NCKAP5: variants seen among roughly 807,000 people sequenced by gnomAD.
NCKAP5 encodes nck-associated protein 5.
Under a neutral mutation model 167.0 loss-of-function variants are expected in NCKAP5, and 92 were observed. The ratio of observed to expected loss-of-function variants is 0.55; its 90% CI spans 0.47 to 0.66. The LOEUF (loss-of-function observed/expected upper bound fraction) is 0.66. Among genes scored for constraint, NCKAP5 ranks in the 30% least tolerant of loss-of-function variants. NCKAP5 has a pLI of 0.00. For synonymous variants in NCKAP5, 891 were observed against 877.4 expected (o/e 1.02, Z -0.27); for missense variants, 2,378 against 2,315.0 (o/e 1.03, Z -0.56).
chr2:133,653,319 G>A, the NCKAP5 span, among the ~76,000 whole-genome samples: 1 of 152,114 alleles, frequency 6.6e-6, no homozygotes, highest in African/African-American at 2.4e-5. Flanking sequence ...ATATTGCCAA[G>A]TTGCTCTATA....
chr2:132,704,155 C>T (rs1688134212), intron 19 of NCKAP5, among the ~76,000 whole-genome samples: 1 of 152,106 alleles, frequency 6.6e-6, no homozygotes, highest in African/African-American at 2.4e-5. Context: ...ATTTGATTTC[C>T]CTTGGGGAAG....
In NCKAP5 at chr2:132,963,818, G is replaced by A. The variant is rs766997766; in HGVS notation, c.481C>T (p.His161Tyr). The change falls in exon 8 of 20, where the codon CAC becomes TAC. Residue 161 changes from histidine to tyrosine, a missense_variant. Coordinates refer to ENST00000409261, the MANE Select transcript of NCKAP5 (RefSeq NM_207363.3). ...CTCGAATCCTCATCAACCACCATGT[G>A]AAGATCTTCCAAAGCTTCCTTATGT... Reference protein sequence around the residue: ...RKHKEALEDLHMVVDEDSRSE... With the variant: ...RKHKEALEDLYMVVDEDSRSE... 2 of 1,613,702 alleles carry A rather than the reference G, an allele frequency of 1.2e-6. No individual in the cohort carries two copies. The highest frequency in any genetic ancestry group is 2.2e-5 in the East Asian group (1 of 44,886).
the NCKAP5 span, among the ~76,000 whole-genome samples, chr2:133,603,514 C>G: frequency 1.1e-4 from 16 of 151,960 alleles, no homozygotes; most frequent in Admixed American, 9.2e-4. Context: ...CGTGAGCCAC[C>G]GTGCCCAGCC....
At chr2:133,290,538 CTT>C (rs2150511928) in intron 4 of NCKAP5, among the ~76,000 whole-genome samples, 1 of 152,244 alleles carries the variant, frequency 6.6e-6, no homozygotes, top group East Asian at 1.9e-4. Flanking sequence ...TGGTTAAACA[CTT>C]TATGATTAAA....
intron 16 of NCKAP5, among the ~76,000 whole-genome samples, chr2:132,750,637 AT>A (rs1680031565): frequency 6.6e-6 from 1 of 152,320 alleles, no homozygotes; most frequent in South Asian, 2.1e-4. Context: ...CAGAATAGTG[AT>A]GCTGGAGGCC....
At chr2:133,383,633 T>C (rs1402173746) in intron 3 of NCKAP5, among the ~76,000 whole-genome samples, 1 of 152,234 alleles carries the variant, frequency 6.6e-6, no homozygotes, top group African/African-American at 2.4e-5. Context: ...CCCTGAGGAA[T>C]TGCCACACTG....
chr2:133,009,930 G>T (rs2078096102), intron 6 of NCKAP5, among the ~76,000 whole-genome samples: 1 of 151,996 alleles, frequency 6.6e-6, no homozygotes, highest in Admixed American at 6.6e-5. Flanking sequence ...AATTAGCAGG[G>T]CGTGGTGGCG....
chr2:133,048,083 C>T (rs2079466533), intron 6 of NCKAP5, among the ~76,000 whole-genome samples: 1 of 152,190 alleles, frequency 6.6e-6, no homozygotes, highest in African/African-American at 2.4e-5. Context: ...ATACCTTCCA[C>T]AGTGTCTCAC....
chr2:132,899,436 G>A (rs1342077186), intron 8 of NCKAP5, among the ~76,000 whole-genome samples: 14 of 152,252 alleles, frequency 9.2e-5, no homozygotes, highest in Admixed American at 6.5e-4. Flanking sequence ...GCATTCACTG[G>A]AGTACCACTG....
intron 7 of NCKAP5, among the ~76,000 whole-genome samples, chr2:132,964,358 A>G (rs910263526): frequency 1.3e-5 from 2 of 152,218 alleles, no homozygotes; most frequent in African/African-American, 4.8e-5. Context: ...GCTCACACCT[A>G]TTAGTTCTTT....
intron 4 of NCKAP5, among the ~76,000 whole-genome samples, chr2:133,230,176 C>T (rs1173723469): frequency 6.6e-6 from 1 of 152,134 alleles, no homozygotes; most frequent in Admixed American, 6.5e-5. Context: ...GGACACTGGC[C>T]TGGGTCCTGA....
chr2:133,084,502 A>T (rs1370215345), intron 6 of NCKAP5, among the ~76,000 whole-genome samples: 2 of 152,162 alleles, frequency 1.3e-5, no homozygotes, highest in African/African-American at 4.8e-5. Flanking sequence ...TGGATGACAC[A>T]TATATGGTGG....
intron 3 of NCKAP5, among the ~76,000 whole-genome samples, chr2:133,425,231 A>G (rs1022846259): frequency 4.6e-5 from 7 of 152,362 alleles, no homozygotes; most frequent in Admixed American, 4.6e-4. Flanking sequence ...ATTATCGCAC[A>G]GGTGAAGAAT....
chr2:133,109,049 A>G (rs1442384490), intron 6 of NCKAP5, among the ~76,000 whole-genome samples: 2 of 152,178 alleles, frequency 1.3e-5, no homozygotes, highest in Admixed American at 6.5e-5. Context: ...AGGACTAACC[A>G]TTCCCTCTCG....
At chr2:133,271,964 A>C (rs997470336) in intron 4 of NCKAP5, among the ~76,000 whole-genome samples, 45 of 152,174 alleles carry the variant, frequency 3.0e-4, no homozygotes, top group African/African-American at 1.0e-3. Flanking sequence ...AGTTGTGTGC[A>C]GATAAATATT....
At chr2:133,193,375 A>G (rs527783464) in intron 5 of NCKAP5, among the ~76,000 whole-genome samples, 55 of 151,976 alleles carry the variant, frequency 3.6e-4, no homozygotes, top group Non-Finnish European at 6.2e-4. Flanking sequence ...ATAGTTTTTC[A>G]AAGTGTTGCC....
chr2:133,672,497 G>A, the NCKAP5 span, among the ~76,000 whole-genome samples: 4 of 152,276 alleles, frequency 2.6e-5, no homozygotes, highest in South Asian at 2.1e-4. Context: ...AGTGCATAAC[G>A]GATTAGAAAT....
At position 132,796,647 on chromosome 2, in the gene NCKAP5, C is replaced by T. The variant is rs377536203; in HGVS notation, c.890G>A (p.Arg297Gln). ...ACTCACGTGCACCTCAGCATCAGTTCGTGACTGTGTCAGACTTCGGTTTCT... is the reference window on the plus strand; with the variant it reads ...ACTCACGTGCACCTCAGCATCAGTTTGTGACTGTGTCAGACTTCGGTTTCT... ...VERNRSLTQS[R>Q]TDAEVHEHQL... Residue 297 changes from arginine (R) to glutamine (Q), a missense_variant, in exon 12 of 20, where the codon CGA (arginine) becomes CAA (glutamine). Physicochemically the swap from Arg to Gln is conservative, Grantham distance 43. Coordinates refer to ENST00000409261, the MANE Select transcript of NCKAP5 (RefSeq NM_207363.3). 203 of 1,612,770 alleles carry T rather than the reference C, an allele frequency of 1.3e-4. 3 individuals are homozygous for T. In the South Asian group the frequency reaches 1.6e-3, roughly 13 times the overall value.
At chr2:132,986,187 G>T (rs1486224085) in intron 7 of NCKAP5, among the ~76,000 whole-genome samples, 1 of 152,156 alleles carries the variant, frequency 6.6e-6, no homozygotes, top group Non-Finnish European at 1.5e-5. Flanking sequence ...ACTGAAACAG[G>T]TGTTGTGTGT....
Sources: gnomAD v4.1 joint callset for allele counts (sites outside exome capture counted in the v4.1 genomes callset) on GRCh38, gnomAD v4.1.1 for gene constraint, MANE v1.5 for transcripts, NCBI Gene and HGNC (gene_info 2026-07-23, HGNC 2026-07-21) for gene names.